The following SIAH1 variants were observed in gnomAD, a reference collection of about 807,000 sequenced individuals.
The protein encoded by SIAH1 is siah E3 ubiquitin protein ligase 1, also known as E3 ubiquitin-protein ligase SIAH1.
SIAH1 carries 2 observed loss-of-function variants against 20.0 expected under a neutral mutation model. That is an observed-to-expected ratio of 0.10 (90% CI 0.04 to 0.31). The LOEUF (loss-of-function observed/expected upper bound fraction) is 0.31, where lower values mean the gene tolerates loss of function less well. Ranked by LOEUF, SIAH1 falls within the 10% of genes least tolerant of loss-of-function variation. The pLI is 1.00. For missense variants in SIAH1, 119 were observed against 355.3 expected, an observed-to-expected ratio of 0.33 and a Z score of 5.35; for synonymous variants, 118 against 125.3, an observed-to-expected ratio of 0.94 and a Z score of 0.39.
intron 1 of SIAH1, among the ~76,000 whole-genome samples, chr16:48,373,373 A>C (rs1961030231): frequency 6.6e-6 from 1 of 152,164 alleles, no homozygotes; most frequent in African/African-American, 2.4e-5. Flanking sequence ...AAGTCTCTCC[A>C]CTCAGAGTCT....
Position 48,380,642 on chromosome 16 carries a change from G to A in SIAH1, c.-3+4562C>T, listed in dbSNP as rs780563681. Among the ~76,000 whole-genome samples, 41 of 152,106 alleles carry A rather than the reference G, an allele frequency of 2.7e-4. 1 individual carries two copies. Among genetic ancestry groups the A allele is most frequent in the East Asian group, 1.6e-3 (8 of 5,158 alleles). On this transcript the variant is annotated intron_variant, in intron 1 of 1. Transcript: ENST00000394725. ...TTTAAAACAGTAAGATACCACTACA[G>A]GCCAGGCGCAGTGGCCCACGCCTGT...
At chr16:48,364,827 A>G (rs375331027) in intron 1 of SIAH1, 2 of 152,470 alleles carry the variant, frequency 1.3e-5, no homozygotes, top group African/African-American at 2.4e-5. Flanking sequence ...ACTAAATCAA[A>G]CCAAAGAATC....
upstream of SIAH1, among the ~76,000 whole-genome samples, chr16:48,386,037 C>T (rs1183342721): frequency 6.6e-6 from 1 of 152,160 alleles, no homozygotes; most frequent in African/African-American, 2.4e-5. Flanking sequence ...TGGGGAAGCA[C>T]GCGTTTTCCT....
upstream of SIAH1, among the ~76,000 whole-genome samples, chr16:48,386,861 G>T (rs971902889): frequency 6.6e-6 from 1 of 152,196 alleles, no homozygotes; most frequent in East Asian, 1.9e-4. Context: ...CCCCTGGGCC[G>T]CTCTGCAAGC....
At chr16:48,368,719 G>A (rs971021668) in intron 1 of SIAH1, among the ~76,000 whole-genome samples, 8 of 151,972 alleles carry the variant, frequency 5.3e-5, no homozygotes, top group Non-Finnish European at 8.8e-5. Flanking sequence ...CTCCAGCCTG[G>A]GCGACAGAGC....
At chr16:48,372,101 T>C (rs1597027231) in intron 1 of SIAH1, among the ~76,000 whole-genome samples, 1 of 152,134 alleles carries the variant, frequency 6.6e-6, no homozygotes, top group Non-Finnish European at 1.5e-5. Context: ...AAAGAGCATA[T>C]TGCTAGGAAG....
intron 1 of SIAH1, among the ~76,000 whole-genome samples, chr16:48,377,687 C>G (rs952051023): frequency 2.0e-5 from 3 of 151,942 alleles, no homozygotes; most frequent in Admixed American, 2.0e-4. Flanking sequence ...TGAGCCGCCA[C>G]GCTGAGCCTC....
chr16:48,380,911 AGAGT>A (rs964006862), intron 1 of SIAH1, among the ~76,000 whole-genome samples: 1 of 86,074 alleles, frequency 1.2e-5, no homozygotes, highest in African/African-American at 4.7e-5. Context: ...CCTGGGCGAC[AGAGT>A]GAGACTCCGT....
chr16:48,382,926 T>C (rs1464155141), intron 1 of SIAH1, among the ~76,000 whole-genome samples: 1 of 152,232 alleles, frequency 6.6e-6, no homozygotes, highest in Non-Finnish European at 1.5e-5. Context: ...TCCTATTTGT[T>C]ATTTTATGTC....
intron 1 of SIAH1, among the ~76,000 whole-genome samples, chr16:48,367,475 G>A (rs547526352): frequency 3.6e-4 from 55 of 152,246 alleles, no homozygotes; most frequent in Non-Finnish European, 6.2e-4. Context: ...TTCAGACCCC[G>A]GCTCCACCAG....
At chr16:48,385,604 G>A (rs1226907670), upstream of SIAH1, among the ~76,000 whole-genome samples, 2 of 151,984 alleles carry the variant, frequency 1.3e-5, no homozygotes, top group Non-Finnish European at 2.9e-5. Flanking sequence ...TAGGTGCGGG[G>A]GCTACTCGGC....
Position 48,385,249 on chromosome 16 carries a change from C to A in SIAH1, c.-48G>T. The A allele has an allele frequency of 3.1e-6, 1 of 322,800 alleles. No individual in the cohort carries two copies. The highest frequency in any genetic ancestry group is 3.2e-5 in the Admixed American group (1 of 31,290). The allele number at this position is 322,800 out of a possible 1,614,324, so 20.0% of individuals were successfully genotyped here. A position where few individuals can be genotyped will look rare whatever the true frequency, so the allele number is the denominator to read the frequency against. ...TCGGACCCCGGTCCTGGCACCAACGCGCTCCGTCGCCAACCCCCGCCACCG... is the reference window on the plus strand; with the variant it reads ...TCGGACCCCGGTCCTGGCACCAACGAGCTCCGTCGCCAACCCCCGCCACCG... On this transcript the variant is annotated 5_prime_UTR_variant, in exon 1 of 2. Transcript: ENST00000394725.
At chr16:48,367,268 C>T (rs912876511) in intron 1 of SIAH1, among the ~76,000 whole-genome samples, 3 of 152,200 alleles carry the variant, frequency 2.0e-5, no homozygotes, top group African/African-American at 7.2e-5. Context: ...AGAAACTCTT[C>T]CAAACAGAAC....
intron 1 of SIAH1, among the ~76,000 whole-genome samples, chr16:48,377,019 T>C (rs1355502111): frequency 6.6e-6 from 1 of 152,242 alleles, no homozygotes; most frequent in Non-Finnish European, 1.5e-5. Flanking sequence ...TTATATTTAC[T>C]GTATCAACCA....
chr16:48,371,028 C>T (rs1449111810), intron 1 of SIAH1, among the ~76,000 whole-genome samples: 3 of 150,892 alleles, frequency 2.0e-5, no homozygotes, highest in Non-Finnish European at 2.9e-5. Flanking sequence ...GCATAAGAAT[C>T]GCTTGAACCC....
At chr16:48,368,901 T>C (rs1199860836) in intron 1 of SIAH1, among the ~76,000 whole-genome samples, 2 of 152,192 alleles carry the variant, frequency 1.3e-5, no homozygotes, top group African/African-American at 4.8e-5. Flanking sequence ...ACTCCTCCAT[T>C]CAAAACACTT....
chr16:48,361,531 T>A lies in SIAH1; in HGVS notation c.*49A>T, dbSNP rs1167041900. On this transcript the variant is annotated 3_prime_UTR_variant, in exon 2 of 2. Coordinates refer to ENST00000394725, the MANE Select transcript of SIAH1 (RefSeq NM_003031.4). ...GCAGACAGATGGGTGCCTTATTTTC[T>A]GTGAAACTGAAGTTTTAAACACTGG... is the stretch of plus-strand genomic sequence containing the variant. 11 of 1,589,084 alleles carry A rather than the reference T, an allele frequency of 6.9e-6. No individual in the cohort carries two copies. The South Asian group carries it at 7.8e-5, about 11-fold the overall frequency.
rs1006572064 is a variant in SIAH1 at position 48,362,534 on chromosome 16, A to G, written c.-2-104T>C. 2.5e-5 allele frequency: 29 copies of G among 1,170,350 alleles called. No individual in the cohort carries two copies. The highest frequency in any genetic ancestry group is 3.5e-5 in the Non-Finnish European group (29 of 825,256). The allele number at this position is 1,170,350 out of a possible 1,614,324, so 72.5% of individuals were successfully genotyped here. On this transcript the variant is annotated intron_variant, in intron 1 of 1. Coordinates refer to ENST00000394725, the MANE Select transcript of SIAH1 (RefSeq NM_003031.4). This position sits in a 1 kb window ranked among gnomAD's most constrained non-coding sequence, Gnocchi z 4.2. ...AAGTCCTTTTAAAGTTTCATACAAA[A>G]TTTACTGAGCAAAAGAGGAAGAAAA... is the stretch of plus-strand genomic sequence containing the variant.
chr16:48,385,805 C>T (rs1001777702), upstream of SIAH1, among the ~76,000 whole-genome samples: 3 of 152,132 alleles, frequency 2.0e-5, no homozygotes, highest in Non-Finnish European at 4.4e-5. Flanking sequence ...GGCTGGCCGC[C>T]GCCGCGGCCT....
Sources: gnomAD v4.1 joint callset for allele counts (sites outside exome capture counted in the v4.1 genomes callset) on GRCh38, gnomAD v4.1.1 for gene constraint, Gnocchi (gnomAD v3.1) non-coding constraint, MANE v1.5 for transcripts, NCBI Gene and HGNC (gene_info 2026-07-23, HGNC 2026-07-21) for gene names.